NBPF15: variants seen among roughly 807,000 people sequenced by gnomAD.
NBPF15 encodes the protein NBPF family member NBPF15.
A neutral mutation model predicts 62.2 loss-of-function variants in NBPF15; 74 were observed. That is an observed-to-expected ratio of 1.19 (90% CI 0.99 to 1.44). The LOEUF is 1.44. NBPF15 is among the 40% of genes most tolerant of loss of function. The pLI is 0.00. For synonymous variants in NBPF15, 244 were observed against 209.7 expected, an observed-to-expected ratio of 1.16 and a Z score of -1.41; for missense variants, 790 against 550.0, an observed-to-expected ratio of 1.44 and a Z score of -4.36.
intron 8 of NBPF15, among the ~76,000 whole-genome samples, chr1:144,438,743 G>T (rs1268780787): frequency 6.6e-6 from 1 of 151,920 alleles, no homozygotes; most frequent in Admixed American, 6.6e-5. Context: ...ATTTACAGAG[G>T]TAGGTATTAT....
At position 144,422,672 on chromosome 1, in the gene NBPF15, G is replaced by T. The variant is rs1666564327; in HGVS notation, c.*341C>A. The T allele has an allele frequency of 2.2e-6, 1 of 447,272 alleles. No individual in the cohort carries two copies. Among genetic ancestry groups the T allele is most frequent in the Non-Finnish European group, 4.0e-6 (1 of 247,026 alleles). The allele number at this position is 447,272 out of a possible 1,614,324, so 27.7% of individuals were successfully genotyped here. A position where few individuals can be genotyped will look rare whatever the true frequency, so the allele number is the denominator to read the frequency against. On this transcript the variant is annotated 3_prime_UTR_variant, in exon 22 of 22. Coordinates refer to ENST00000581897, the MANE Select transcript of NBPF15 (RefSeq NM_001385408.1). ...ATGAGCTAAACACAAAGATGACAAT[G>T]ACCTTGAGCAGGTATAGAAGCTCAG...
intron 11 of NBPF15, among the ~76,000 whole-genome samples, 178 bp downstream of exon 11, chr1:144,435,603 G>A (rs1677616772): frequency 6.6e-6 from 1 of 152,056 alleles, no homozygotes; most frequent in Non-Finnish European, 1.5e-5. Context: ...ATGACACTCG[G>A]CACACACAGA....
At chr1:144,448,292 GA>G (rs1274458561) in intron 6 of NBPF15, among the ~76,000 whole-genome samples, 1 of 151,958 alleles carries the variant, frequency 6.6e-6, no homozygotes, top group African/African-American at 2.4e-5. Flanking sequence ...TTTGTTTTTG[GA>G]AGCATGTATC....
rs1220551849 is a variant in NBPF15, at chr1:144,421,721, T to C, written c.*1292A>G. On this transcript the variant is annotated 3_prime_UTR_variant, in exon 22 of 22. Transcript: ENST00000581897. ...AATGTTTAGAGGATGATCATTAGAA[T>C]ACAGGATATTTATACTCTTGAAAAC... is the stretch of plus-strand genomic sequence containing the variant. The C allele has an allele frequency of 3.4e-5, 5 of 147,560 alleles. No homozygotes were observed. The highest frequency in any genetic ancestry group is 7.6e-5 in the African/African-American group (3 of 39,498). The allele number at this position is 147,560 out of a possible 1,614,324, so 9.1% of individuals were successfully genotyped here. A position where few individuals can be genotyped will look rare whatever the true frequency, so the allele number is the denominator to read the frequency against.
chr1:144,426,459 G>A lies in NBPF15; in HGVS notation c.1266-9C>T. 1 of 805,434 alleles carries A rather than the reference G, an allele frequency of 1.2e-6. No individual in the cohort carries two copies. Among genetic ancestry groups the A allele is most frequent in the Non-Finnish European group, 2.3e-6 (1 of 444,084 alleles). 49.9% of individuals were successfully genotyped at this position (805,434 alleles called of 1,614,324 possible). On this transcript the variant is annotated splice_polypyrimidine_tract_variant and intron_variant, in intron 17 of 21. Coordinates refer to ENST00000581897, the MANE Select transcript of NBPF15 (RefSeq NM_001385408.1). Reference sequence around the variant, plus strand: ...GCAGCTCCCTGCTGAGCCTGGAAAAGTAGGAAAAAGTAAAGAATAAGCCAG... The same window carrying A: ...GCAGCTCCCTGCTGAGCCTGGAAAAATAGGAAAAAGTAAAGAATAAGCCAG...
In NBPF15 at chr1:144,432,408, C is replaced by T. The variant is rs587621440; in HGVS notation, c.824+1365G>A. Among the ~76,000 whole-genome samples the T allele has an allele frequency of 6.1e-4, 92 of 151,976 alleles. 4 individuals carry two copies. Among genetic ancestry groups the T allele is most frequent in the African/African-American group, 1.4e-3 (57 of 41,414 alleles). On this transcript the variant is annotated intron_variant, in intron 13 of 21. Transcript: ENST00000581897. ...GGAAGAAACTGCATCAACTAACGGG[C>T]GAAATAACCAGCTAATATCATAATG...
At chr1:144,458,653 G>A (rs199756611) in intron 3 of NBPF15, among the ~76,000 whole-genome samples, 27 of 150,900 alleles carry the variant, frequency 1.8e-4, no homozygotes, top group Non-Finnish European at 3.1e-4. Flanking sequence ...GCAGTCATCC[G>A]ATTTAAGAAA....
In NBPF15 at chr1:144,445,122, G is replaced by A. The variant is rs1431171617; in HGVS notation, c.-191+3653C>T. Among the ~76,000 whole-genome samples the A allele has an allele frequency of 2.0e-5, 3 of 151,314 alleles. 1 individual carries two copies. The highest frequency in any genetic ancestry group is 4.2e-4 in the South Asian group (2 of 4,798). On this transcript the variant is annotated intron_variant, in intron 6 of 21. Coordinates refer to ENST00000581897, the MANE Select transcript of NBPF15 (RefSeq NM_001385408.1). ...ATCTCCCTGATGACTAAACAGTGGA[G>A]CATCTTTTCCTATGCTAACTGACCA...
rs1363965471 is a variant in NBPF15, at chr1:144,444,823, C to T, written c.-191+3952G>A. On this transcript the variant is annotated intron_variant, in intron 6 of 21. Transcript: ENST00000581897. ...GTTACTGAGCCACGAGAAATAGCAG[C>T]CCGCCCCTCAGGTTGGTCTGGAAAC... Among the ~76,000 whole-genome samples, 834 of 152,078 alleles carry T rather than the reference C, an allele frequency of 5.5e-3. 17 individuals are homozygous for T. The highest frequency in any genetic ancestry group is 0.019 in the African/African-American group (772 of 41,492).
At chr1:144,424,231 A>T (rs1260800913) in intron 20 of NBPF15, among the ~76,000 whole-genome samples, 1 of 152,008 alleles carries the variant, frequency 6.6e-6, no homozygotes, top group Admixed American at 6.6e-5. Flanking sequence ...TTGTGCAAAC[A>T]GTTATGCCAT....
intron 3 of NBPF15, among the ~76,000 whole-genome samples, chr1:144,459,120 G>A (rs1302883475): frequency 4.0e-5 from 6 of 151,746 alleles, no homozygotes; most frequent in Non-Finnish European, 7.4e-5. Context: ...TCCTAGGTTC[G>A]GCATTGATTT....
At chr1:144,460,089 C>T (rs1234773917) in intron 2 of NBPF15, among the ~76,000 whole-genome samples, 14 of 86,502 alleles carry the variant, frequency 1.6e-4, no homozygotes, top group Admixed American at 5.6e-4. Context: ...GCCACCCAGG[C>T]GGGAGTGCAC....
chr1:144,424,595 A>G, intron 20 of NBPF15, 95 bp downstream of exon 20: 2 of 657,538 alleles, frequency 3.0e-6, no homozygotes, highest in South Asian at 1.9e-5. Context: ...CGGCAATGAC[A>G]TCTCTCAGCT....
intron 20 of NBPF15, 148 bp from the exon 21 acceptor site, chr1:144,424,123 C>G: frequency 1.4e-6 from 1 of 730,000 alleles, no homozygotes; most frequent in Non-Finnish European, 2.5e-6. Flanking sequence ...GGTCTGAAGG[C>G]TGGTCATGAT....
At position 144,438,389 on chromosome 1, in the gene NBPF15, A is replaced by T. The variant is rs1297332717; in HGVS notation, c.176-342T>A. The stretch of plus-strand genomic sequence containing the variant: ...TGCAGCCTCTCCTCTAAAACACTGC[A>T]CTGGGGCATGAAGTAGTGATTTCTC... On this transcript the variant is annotated intron_variant, in intron 8 of 21. Coordinates refer to ENST00000581897, the MANE Select transcript of NBPF15 (RefSeq NM_001385408.1). Among the ~76,000 whole-genome samples the T allele has an allele frequency of 3.0e-4, 45 of 152,026 alleles. 2 individuals are homozygous for T. The highest frequency in any genetic ancestry group is 1.1e-3 in the African/African-American group (44 of 41,408).
chr1:144,436,557 C>G (rs1678540429), intron 10 of NBPF15, among the ~76,000 whole-genome samples: 1 of 152,030 alleles, frequency 6.6e-6, no homozygotes, highest in Non-Finnish European at 1.5e-5. Context: ...GCCGAAAAGA[C>G]AGCCTGGGAA....
intron 13 of NBPF15, among the ~76,000 whole-genome samples, chr1:144,431,081 G>T (rs1454770751): frequency 1.7e-4 from 26 of 151,864 alleles, no homozygotes; most frequent in Non-Finnish European, 2.9e-4. Context: ...TATGTGGAAA[G>T]ACCAAATCTA....
chr1:144,455,381 C>T (rs1264179568), intron 4 of NBPF15, among the ~76,000 whole-genome samples: 18 of 152,124 alleles, frequency 1.2e-4, no homozygotes, highest in South Asian at 2.1e-4. Context: ...AACAGGAACA[C>T]GCTAACTAGT....
At chr1:144,426,145 A>C in intron 18 of NBPF15, 133 bp downstream of exon 18, 1 of 655,676 alleles carries the variant, frequency 1.5e-6, no homozygotes. Flanking sequence ...TTTCATTACA[A>C]CCTTTATGCG....
Sources: gnomAD v4.1 joint callset for allele counts (sites outside exome capture counted in the v4.1 genomes callset) on GRCh38, gnomAD v4.1.1 for gene constraint, MANE v1.5 for transcripts, NCBI Gene and HGNC (gene_info 2026-07-23, HGNC 2026-07-21) for gene names.